The following LRRIQ1 variants were observed in gnomAD, a reference collection of about 807,000 sequenced individuals.
LRRIQ1 encodes leucine rich repeats and IQ motif containing 1, also known as leucine-rich repeat- and IQ domain-containing protein 1.
In LRRIQ1, 210 loss-of-function variants were observed where a neutral mutation model predicts 211.9. The observed-to-expected ratio is 0.99, with a 90% confidence interval of 0.89 to 1.11. The LOEUF (loss-of-function observed/expected upper bound fraction) is 1.11. LRRIQ1 is among the 50% of genes most tolerant of loss of function. The probability of loss-of-function intolerance (pLI) is 0.00; values close to 1 mark genes in which losing one functional copy is unlikely to be tolerated. For synonymous variants in LRRIQ1, 699 were observed against 650.1 expected (o/e 1.08, Z -1.14); for missense variants, 2,136 against 1,939.5 (o/e 1.10, Z -1.90).
chr12:85,052,172 T>C lies in LRRIQ1; in HGVS notation c.679-5T>C. The C allele has an allele frequency of 6.8e-7, 1 of 1,468,228 alleles. No homozygotes were observed. Among genetic ancestry groups the C allele is most frequent in the Non-Finnish European group, 9.3e-7 (1 of 1,078,892 alleles). The allele number at this position is 1,468,228 out of a possible 1,614,324, so 91.0% of individuals were successfully genotyped here. A position where few individuals can be genotyped will look rare whatever the true frequency, so the allele number is the denominator to read the frequency against. The stretch of plus-strand genomic sequence containing the variant: ...TAGTCATATTTATTATTATCATATG[T>C]TCAGCAAGAACAGGACAAGATGAAT... On this transcript the variant is annotated splice_polypyrimidine_tract_variant and splice_region_variant and intron_variant, in intron 6 of 26. Transcript: ENST00000393217.
chr12:85,208,003 T>C (rs972583349), intron 24 of LRRIQ1, among the ~76,000 whole-genome samples: 3 of 144,366 alleles, frequency 2.1e-5, no homozygotes, highest in African/African-American at 8.8e-5. Context: ...AGTAGTAACT[T>C]TCCTCTCATG....
At chr12:85,079,399 A>G (rs1443100431) in intron 11 of LRRIQ1, among the ~76,000 whole-genome samples, 2 of 151,028 alleles carry the variant, frequency 1.3e-5, no homozygotes, top group Non-Finnish European at 3.0e-5. Context: ...AATTTTTTGT[A>G]TTTTTAGTAG....
chr12:85,122,731 A>G (rs568025479), intron 16 of LRRIQ1, among the ~76,000 whole-genome samples: 1 of 152,222 alleles, frequency 6.6e-6, no homozygotes, highest in African/African-American at 2.4e-5. Context: ...ATTAAAAAGA[A>G]ATCTCACATC....
rs559128633 is a variant in LRRIQ1 at position 85,105,410 on chromosome 12, C to T, written c.3284-1112C>T. The stretch of plus-strand genomic sequence containing the variant: ...TTGAGTTCATTTTTTATATGGATAT[C>T]GAATTGTTCTAGCCACACTGGTTGA... On this transcript the variant is annotated intron_variant, in intron 14 of 26. Transcript: ENST00000393217. Among the ~76,000 whole-genome samples the T allele has an allele frequency of 2.6e-5, 4 of 152,040 alleles. No individual in the cohort carries two copies. In the South Asian group the frequency reaches 8.3e-4, roughly 32 times the overall value.
At chr12:85,045,307 T>C (rs987915338) in intron 4 of LRRIQ1, among the ~76,000 whole-genome samples, 2 of 151,898 alleles carry the variant, frequency 1.3e-5, no homozygotes, top group Non-Finnish European at 2.9e-5. Context: ...TAAGAGAAAG[T>C]CTCTCCTAAA....
chr12:85,200,202 T>C (rs1227020583), intron 24 of LRRIQ1, among the ~76,000 whole-genome samples: 1 of 152,124 alleles, frequency 6.6e-6, no homozygotes, highest in Non-Finnish European at 1.5e-5. Context: ...TAGCTGTATC[T>C]CTAGGTATTT....
At chr12:85,110,397 T>G (rs1887089523) in intron 15 of LRRIQ1, among the ~76,000 whole-genome samples, 2 of 152,118 alleles carry the variant, frequency 1.3e-5, no homozygotes, top group Admixed American at 1.3e-4. Context: ...TGCCTAATAA[T>G]TATGTATGTA....
chr12:85,269,995 T>C, the LRRIQ1 span, among the ~76,000 whole-genome samples: 1 of 151,992 alleles, frequency 6.6e-6, no homozygotes, highest in Non-Finnish European at 1.5e-5. Context: ...GAGAAAGATC[T>C]TGTATCTCTT....
At chr12:85,190,678 A>G (rs1892467837) in intron 24 of LRRIQ1, among the ~76,000 whole-genome samples, 1 of 151,818 alleles carries the variant, frequency 6.6e-6, no homozygotes, top group Non-Finnish European at 1.5e-5. Context: ...TTTAAATGTT[A>G]TACATAACCT....
downstream of LRRIQ1, among the ~76,000 whole-genome samples, chr12:85,264,823 T>A (rs1296668424): frequency 6.6e-6 from 1 of 152,098 alleles, no homozygotes; most frequent in East Asian, 1.9e-4. Flanking sequence ...AATGACTTTT[T>A]GTCCTCTCCT....
intron 24 of LRRIQ1, among the ~76,000 whole-genome samples, chr12:85,209,349 C>T (rs1343375667): frequency 6.6e-6 from 1 of 152,030 alleles, no homozygotes; most frequent in Non-Finnish European, 1.5e-5. Flanking sequence ...GGGGGAAAAG[C>T]CCCTTATAAA....
chr12:85,053,006 C>T (rs965388091), intron 7 of LRRIQ1, among the ~76,000 whole-genome samples: 2 of 151,876 alleles, frequency 1.3e-5, no homozygotes, highest in African/African-American at 4.8e-5. Flanking sequence ...AATGAAGTAC[C>T]AACTCTACAT....
At chr12:85,151,847 A>G (rs1421850629) in intron 19 of LRRIQ1, among the ~76,000 whole-genome samples, 4 of 151,714 alleles carry the variant, frequency 2.6e-5, no homozygotes, top group Non-Finnish European at 5.9e-5. Context: ...AATAAAAAAA[A>G]TTTAAGAAAA....
chr12:85,201,641 C>A (rs1172467424), intron 24 of LRRIQ1, among the ~76,000 whole-genome samples: 2 of 151,988 alleles, frequency 1.3e-5, no homozygotes, highest in Non-Finnish European at 2.9e-5. Context: ...ATGTCCCCTT[C>A]GTCATTACTG....
chr12:85,223,780 A>G (rs1026271120), intron 24 of LRRIQ1, among the ~76,000 whole-genome samples: 3 of 151,758 alleles, frequency 2.0e-5, no homozygotes, highest in Non-Finnish European at 4.4e-5. Flanking sequence ...GTCAAAAACA[A>G]AAAAGGAAAC....
intron 24 of LRRIQ1, among the ~76,000 whole-genome samples, chr12:85,176,066 G>A (rs1464436755): frequency 6.6e-6 from 1 of 152,052 alleles, no homozygotes; most frequent in Non-Finnish European, 1.5e-5. Flanking sequence ...GCTTGATGGG[G>A]ATGGCATTGA....
chr12:85,080,659 G>T (rs1408211300), intron 11 of LRRIQ1, among the ~76,000 whole-genome samples: 1 of 148,714 alleles, frequency 6.7e-6, no homozygotes, highest in East Asian at 2.0e-4. Flanking sequence ...TTTGGTTTTA[G>T]AATTTTTACT....
At chr12:85,102,959 A>AAAATATATAT (rs1458673370) in intron 13 of LRRIQ1, among the ~76,000 whole-genome samples, 7 of 108,500 alleles carry the variant, frequency 6.5e-5, no homozygotes, top group African/African-American at 2.5e-4. Flanking sequence ...AAAAAAAAAA[A>AAAATATATAT]ATATATATAT....
At chr12:85,098,303 A>G (rs1466158749) in intron 11 of LRRIQ1, 52 bp from the exon 12 acceptor site, 9 of 1,206,096 alleles carry the variant, frequency 7.5e-6, no homozygotes, top group Non-Finnish European at 1.0e-5. Context: ...ACTTTCTTCT[A>G]GAGTCTGGAA....
Sources: allele counts gnomAD v4.1 joint callset (sites outside exome capture counted in the v4.1 genomes callset), GRCh38; gene constraint gnomAD v4.1.1; transcripts MANE v1.5; gene names NCBI Gene and HGNC (gene_info 2026-07-23, HGNC 2026-07-21).